Variants in FLT1 observed in about 807,000 individuals in gnomAD.
The protein encoded by FLT1 is fms related receptor tyrosine kinase 1.
A neutral mutation model predicts 156.3 loss-of-function variants in FLT1; 49 were observed. That is an observed-to-expected ratio of 0.31 (90% CI 0.25 to 0.40). The LOEUF is 0.40. Ranked by LOEUF, FLT1 falls within the 10% of genes least tolerant of loss-of-function variation. The pLI is 1.00. For synonymous variants in FLT1, 594 were observed against 583.8 expected (o/e 1.02, Z -0.25); for missense variants, 1,322 against 1,637.2 (o/e 0.81, Z 3.32).
rs1207956784 is a variant in FLT1 at position 28,480,269 on chromosome 13, CTTTCA to C, written c.65-12657_65-12653del. Among the ~76,000 whole-genome samples the C allele has an allele frequency of 3.3e-5, 5 of 152,216 alleles. No homozygotes were observed. In the East Asian group the frequency reaches 9.6e-4, roughly 29 times the overall value. On this transcript the variant is annotated intron_variant, in intron 1 of 29. Transcript: ENST00000282397. Reference sequence around the variant, plus strand: ...TCCATCTTTAACCTCAACATTTATTCTTTCATTTAATTTTTTGAACGTATACCGAT... The same window carrying C: ...TCCATCTTTAACCTCAACATTTATTCTTTAATTTTTTGAACGTATACCGAT...
At chr13:28,349,458 ACATGCG>A (rs1565981305) in intron 15 of FLT1, among the ~76,000 whole-genome samples, 3 of 126,626 alleles carry the variant, frequency 2.4e-5, no homozygotes, top group African/African-American at 8.0e-5. Context: ...ACACACACAC[ACATGCG>A]CACACGCACA....
intron 12 of FLT1, among the ~76,000 whole-genome samples, chr13:28,395,643 A>G (rs1444128676): frequency 6.6e-6 from 1 of 152,230 alleles, no homozygotes; most frequent in Non-Finnish European, 1.5e-5. Flanking sequence ...TGTGGCTTAT[A>G]TTATATCTCT....
chr13:28,427,498 G>A (rs554774191), intron 9 of FLT1, among the ~76,000 whole-genome samples, 180 bp from the exon 10 acceptor site: 1 of 152,080 alleles, frequency 6.6e-6, no homozygotes, highest in Non-Finnish European at 1.5e-5. Context: ...AGTAGTAGCA[G>A]GGTTTTGAGA....
chr13:28,387,700 CTCCT>C (rs1874445111), intron 13 of FLT1: 1 of 928,074 alleles, frequency 1.1e-6, no homozygotes, highest in Non-Finnish European at 1.3e-6. Flanking sequence ...CTCCTTTTTT[CTCCT>C]TTTTTTTTTC....
intron 3 of FLT1, among the ~76,000 whole-genome samples, chr13:28,454,088 C>A (rs1879130323): frequency 6.6e-6 from 1 of 151,946 alleles, no homozygotes; most frequent in South Asian, 2.1e-4. Flanking sequence ...CAGTCCACAC[C>A]CCTCTTACTG....
Position 28,368,755 on chromosome 13 carries a change from AGT to A in FLT1, c.2117-11072_2117-11071del, listed in dbSNP as rs1873420339. ...GTTTTGCTCTTGTTGCCCAGGCTGG[AGT>A]GCAATGGTGCAATCTCTGCGCACTG... On this transcript the variant is annotated intron_variant, in intron 14 of 29. Transcript: ENST00000282397. 4.6e-6 allele frequency: 3 copies of A among 645,846 alleles called. No individual in the cohort carries two copies. The African/African-American group carries it at 6.2e-5, about 13-fold the overall frequency. 40.0% of individuals were successfully genotyped at this position (645,846 alleles called of 1,614,324 possible).
At position 28,345,469 on chromosome 13, in the gene FLT1, G is replaced by C. The variant is rs1262616956; in HGVS notation, c.2331C>G (p.Thr777=). Residue 777 remains threonine (T), a synonymous_variant, in exon 16 of 30, where the codon ACC becomes ACG. Transcript: ENST00000282397. ...VAATLFWLLL[T]LFIRKMKRSS... The stretch of plus-strand genomic sequence containing the variant: ...CCCTTTTCATTTTTCGGATAAAGAG[G>C]GTTAATAGGAGCCAGAAGAGAGTCG... 3.1e-6 allele frequency: 5 copies of C among 1,610,296 alleles called. No homozygotes were observed. Among genetic ancestry groups the C allele is most frequent in the Admixed American group, 3.3e-5 (2 of 59,894 alleles).
intron 6 of FLT1, among the ~76,000 whole-genome samples, chr13:28,432,574 C>T (rs1877761307): frequency 1.3e-5 from 2 of 152,180 alleles, no homozygotes; most frequent in South Asian, 4.1e-4. Context: ...CCACGTGTGG[C>T]TATTAAAATT....
Position 28,322,660 on chromosome 13 carries a change from C to T in FLT1, c.2953+130G>A. On this transcript the variant is annotated intron_variant, in intron 21 of 29. Transcript: ENST00000282397. This position sits in a 1 kb window ranked among gnomAD's most constrained non-coding sequence, Gnocchi z 4.3. ...AATTATCTTAATTCAAATCTTATCT[C>T]CTCAGGACATTACCATTCGAGTCTC... 1 of 871,216 alleles carries T rather than the reference C, an allele frequency of 1.1e-6. No individual in the cohort carries two copies. Among genetic ancestry groups the T allele is most frequent in the Non-Finnish European group, 1.9e-6 (1 of 518,322 alleles). The allele number at this position is 871,216 out of a possible 1,614,324, so 54.0% of individuals were successfully genotyped here.
chr13:28,372,566 G>GCATATATATATATA lies in FLT1; in HGVS notation c.2116+12318_2116+12319insTATATATATATATG, dbSNP rs1279204338. ...CATATATTCCTCGTTTAAATAAAAT[G>GCATATATATATATA]TATATATATATATATATATATATAT... is the stretch of plus-strand genomic sequence containing the variant. On this transcript the variant is annotated intron_variant, in intron 14 of 29. Coordinates refer to ENST00000282397, the MANE Select transcript of FLT1 (RefSeq NM_002019.4). Among the ~76,000 whole-genome samples, 262 of 91,426 alleles carry GCATATATATATATA rather than the reference G, an allele frequency of 2.9e-3. 11 individuals carry two copies. The highest frequency in any genetic ancestry group is 0.018 in the Middle Eastern group (3 of 170). The allele number at this position is 91,426 out of a possible 152,430, so 60.0% of individuals were successfully genotyped here.
At chr13:28,311,496 T>C (rs1276186590) in intron 27 of FLT1, 94 bp downstream of exon 27, 4 of 1,090,066 alleles carry the variant, frequency 3.7e-6, no homozygotes, top group Non-Finnish European at 5.4e-6. Flanking sequence ...CTCTCTTTCT[T>C]TCTCTCTTTC....
chr13:28,340,769 A>T (rs1005843609), intron 16 of FLT1, among the ~76,000 whole-genome samples: 3 of 152,162 alleles, frequency 2.0e-5, no homozygotes, highest in African/African-American at 7.2e-5. Context: ...TCTCACAAAA[A>T]TTATCACTAA....
At chr13:28,453,881 TGTCCGTAGA>T (rs1376481206) in intron 3 of FLT1, among the ~76,000 whole-genome samples, 3 of 152,212 alleles carry the variant, frequency 2.0e-5, no homozygotes, top group African/African-American at 7.2e-5. Flanking sequence ...AACTCAGTCC[TGTCCGTAGA>T]GCTTGTGAGA....
intron 14 of FLT1, among the ~76,000 whole-genome samples, chr13:28,382,669 A>AAAGGAATGGATTTGAG (rs1191016919): frequency 6.6e-6 from 1 of 152,182 alleles, no homozygotes; most frequent in Non-Finnish European, 1.5e-5. Context: ...GGAAGCAGAG[A>AAAGGAATGGATTTGAG]AAGGAATGGA....
intron 3 of FLT1, among the ~76,000 whole-genome samples, chr13:28,452,658 A>C (rs1879015628): frequency 6.6e-6 from 1 of 152,184 alleles, no homozygotes; most frequent in South Asian, 2.1e-4. Flanking sequence ...TAGGATTATA[A>C]AGACGAAGCT....
chr13:28,490,289 G>A (rs1881397683), intron 1 of FLT1, among the ~76,000 whole-genome samples: 1 of 152,218 alleles, frequency 6.6e-6, no homozygotes, highest in South Asian at 2.1e-4. Flanking sequence ...ATCAGAAACA[G>A]CTTTCAGGCA....
rs539461971 is a variant in FLT1, at chr13:28,370,046, A to G, written c.2117-12361T>C. Among the ~76,000 whole-genome samples, 8 of 152,142 alleles carry G rather than the reference A, an allele frequency of 5.3e-5. No individual in the cohort carries two copies. In the South Asian group the frequency reaches 8.3e-4, roughly 16 times the overall value. ...GAGACTACTGTCTCTATAAAAAATA[A>G]AAAAAATTAGCCCGGCATGGTGGCA... On this transcript the variant is annotated intron_variant, in intron 14 of 29. Coordinates refer to ENST00000282397, the MANE Select transcript of FLT1 (RefSeq NM_002019.4).
At chr13:28,327,654 A>AT in intron 19 of FLT1, 104 bp from the exon 20 acceptor site, 1 of 735,804 alleles carries the variant, frequency 1.4e-6, no homozygotes, top group Non-Finnish European at 2.4e-6. Flanking sequence ...CAGCCTTTGT[A>AT]TTAGTGGGGC....
chr13:28,418,290 C>A (rs997744270), intron 10 of FLT1, among the ~76,000 whole-genome samples: 11 of 152,162 alleles, frequency 7.2e-5, no homozygotes, highest in African/African-American at 2.7e-4. Flanking sequence ...ATCACTGGTT[C>A]TCAAAGATAT....
Sources: allele counts gnomAD v4.1 joint callset (sites outside exome capture counted in the v4.1 genomes callset), GRCh38; gene constraint gnomAD v4.1.1; non-coding constraint Gnocchi (gnomAD v3.1); transcripts MANE v1.5; gene names NCBI Gene and HGNC (gene_info 2026-07-23, HGNC 2026-07-21).